Variants in MTMR8 observed in about 807,000 individuals in gnomAD.
The protein encoded by MTMR8 is phosphatidylinositol-3,5-bisphosphate 3-phosphatase MTMR8.
Under a neutral mutation model 39.3 loss-of-function variants are expected in MTMR8, and 65 were observed. The observed-to-expected ratio is 1.65, with a 90% CI of 1.35 to 2.03. MTMR8 has a LOEUF of 2.03. Ranked by LOEUF, MTMR8 falls within the 30% of genes most tolerant of loss-of-function variation. The probability of loss-of-function intolerance (pLI) is 0.00; values close to 1 mark genes in which losing one functional copy is unlikely to be tolerated. For synonymous variants in MTMR8, 245 were observed against 185.2 expected, an observed-to-expected ratio of 1.32 and a Z score of -2.62; for missense variants, 777 against 538.9, an observed-to-expected ratio of 1.44 and a Z score of -4.37.
intron 12 of MTMR8, among the ~76,000 whole-genome samples, chrX:64,280,175 C>T (rs988084678): frequency 1.4e-4 from 16 of 111,779 alleles, no homozygotes; most frequent in Non-Finnish European, 2.4e-4. Context: ...TGAAAAGGAA[C>T]GACTTCTCCT....
chrX:64,334,784 TCTACTCATA>T (rs772640783), intron 10 of MTMR8, among the ~76,000 whole-genome samples: 96 of 111,037 alleles, frequency 8.6e-4, no homozygotes, highest in African/African-American at 2.8e-3. Context: ...CTAAATAACA[TCTACTCATA>T]CTTTAAATCT....
chrX:64,274,699 C>T (rs145731726), intron 12 of MTMR8, among the ~76,000 whole-genome samples: 40 of 112,054 alleles, frequency 3.6e-4, no homozygotes, highest in African/African-American at 1.3e-3. Flanking sequence ...GTGATATATA[C>T]ATACATAATG....
chrX:64,322,161 ATT>A (rs1452838653), intron 12 of MTMR8, among the ~76,000 whole-genome samples: 152 of 107,655 alleles, frequency 1.4e-3, no homozygotes, highest in Non-Finnish European at 2.7e-3. Context: ...CTCCTGCCTC[ATT>A]TTTTGATTTT....
chrX:64,373,629 CCA>C (rs1268779979), intron 1 of MTMR8, among the ~76,000 whole-genome samples: 2 of 111,211 alleles, frequency 1.8e-5, no homozygotes, highest in Non-Finnish European at 3.8e-5. Flanking sequence ...TACTATACTG[CCA>C]CAGACTTATT....
At chrX:64,385,020 C>G (rs1924521826) in intron 1 of MTMR8, among the ~76,000 whole-genome samples, 1 of 112,248 alleles carries the variant, frequency 8.9e-6, no homozygotes, top group Non-Finnish European at 1.9e-5. Context: ...AACCTTAGGA[C>G]ATTTCATTGC....
At chrX:64,360,528 A>G (rs1275801270) in intron 1 of MTMR8, 3 of 142,697 alleles carry the variant, frequency 2.1e-5, no homozygotes, top group Non-Finnish European at 4.1e-5. Context: ...ATTCCCAAAA[A>G]GAGACCATGA....
Position 64,273,831 on chromosome X carries a change from C to T in MTMR8, c.1482-2758G>A, listed in dbSNP as rs148312647. The stretch of plus-strand genomic sequence containing the variant: ...CAATAGTAATATCAGACAAAATGAA[C>T]TGTAAGTCAAAAAATGTCACGGAGA... On this transcript the variant is annotated intron_variant, in intron 12 of 13. Coordinates refer to ENST00000374852, the MANE Select transcript of MTMR8 (RefSeq NM_017677.4). Among the ~76,000 whole-genome samples the T allele has an allele frequency of 1.8e-3, 205 of 111,266 alleles. 2 individuals carry two copies. In the East Asian group the frequency reaches 0.03, roughly 16 times the overall value.
In MTMR8 at chrX:64,328,744, G is replaced by A. The variant is rs373159800; in HGVS notation, c.1481+28C>T. On this transcript the variant is annotated intron_variant, in intron 12 of 13. Transcript: ENST00000374852. Reference sequence around the variant, plus strand: ...GCTGAGACCCTGGGACCTGCTATAAGAAAGGAGGGAAAAACTTAAGAACTT... The same window carrying A: ...GCTGAGACCCTGGGACCTGCTATAAAAAAGGAGGGAAAAACTTAAGAACTT... The A allele has an allele frequency of 5.3e-6, 6 of 1,134,335 alleles. No individual in the cohort carries two copies. The African/African-American group carries it at 1.1e-4, about 21-fold the overall frequency. The allele number at this position is 1,134,335 out of a possible 1,213,427, so 93.5% of individuals were successfully genotyped here.
At chrX:64,296,694 A>C (rs1921603253) in intron 12 of MTMR8, among the ~76,000 whole-genome samples, 1 of 107,337 alleles carries the variant, frequency 9.3e-6, no homozygotes, top group South Asian at 4.3e-4. Flanking sequence ...CTCGTCATCT[A>C]GCATTAGGTA....
chrX:64,337,303 G>C lies in MTMR8; in HGVS notation c.1066C>G (p.Leu356Val), dbSNP rs369242212. The change falls in exon 9 of 14, where the codon CTA (leucine) becomes GTA (valine). Residue 356 changes from leucine to valine, a missense_variant. Leu to Val is a conservative substitution (Grantham distance 32). Transcript: ENST00000374852. ...AQVCSVASIL[L>V]DPFYRTFKGL... Reference sequence around the variant, plus strand: ...TTGAATGTCCTATAAAATGGATCTAGGAGGATGCTAGCCACTGAGCAGACT... The same window carrying C: ...TTGAATGTCCTATAAAATGGATCTACGAGGATGCTAGCCACTGAGCAGACT... The C allele has an allele frequency of 2.9e-5, 35 of 1,208,422 alleles. No homozygotes were observed. The highest frequency in any genetic ancestry group is 3.6e-5 in the Non-Finnish European group (32 of 894,135).
intron 4 of MTMR8, among the ~76,000 whole-genome samples, chrX:64,350,297 A>C (rs1923455962): frequency 9.1e-6 from 1 of 109,806 alleles, no homozygotes; most frequent in South Asian, 4.0e-4. Flanking sequence ...TATGTAGTTT[A>C]TGAAAGAGTA....
At chrX:64,381,439 T>A (rs1356617492) in intron 1 of MTMR8, among the ~76,000 whole-genome samples, 5 of 95,016 alleles carry the variant, frequency 5.3e-5, no homozygotes, top group South Asian at 4.0e-4. Context: ...TACTTTTCGA[T>A]GGGGTTGTTT....
intron 1 of MTMR8, among the ~76,000 whole-genome samples, chrX:64,379,471 C>G (rs1197674950): frequency 8.9e-6 from 1 of 111,765 alleles, no homozygotes; most frequent in Non-Finnish European, 1.9e-5. Flanking sequence ...CCTCACAGTT[C>G]TGAAGTTCAG....
chrX:64,368,347 G>C (rs1924034524), intron 1 of MTMR8, among the ~76,000 whole-genome samples: 1 of 111,489 alleles, frequency 9.0e-6, no homozygotes, highest in African/African-American at 3.3e-5. Flanking sequence ...CACACTACCT[G>C]ACTTCAAACT....
Position 64,292,057 on chromosome X carries a change from C to T in MTMR8, c.1482-20984G>A, listed in dbSNP as rs181032710. The stretch of plus-strand genomic sequence containing the variant: ...AATGGGCTATAGTAGGAGAGTTCCC[C>T]ATGTCCAGACTGGTGATATGTGATG... On this transcript the variant is annotated intron_variant, in intron 12 of 13. Coordinates refer to ENST00000374852, the MANE Select transcript of MTMR8 (RefSeq NM_017677.4). 4.3e-4 allele frequency among the ~76,000 whole-genome samples: 48 copies of T among 111,665 alleles called. 1 individual carries two copies. Among genetic ancestry groups the T allele is most frequent in the African/African-American group, 1.5e-3 (46 of 30,778 alleles).
At chrX:64,283,969 A>T (rs1921055912) in intron 12 of MTMR8, among the ~76,000 whole-genome samples, 1 of 112,599 alleles carries the variant, frequency 8.9e-6, no homozygotes, top group South Asian at 3.6e-4. Flanking sequence ...ACAAAGCTGG[A>T]TGGAGAAGGA....
intron 1 of MTMR8, among the ~76,000 whole-genome samples, chrX:64,376,165 T>G (rs754549658): frequency 3.6e-5 from 4 of 112,113 alleles, no homozygotes; most frequent in Non-Finnish European, 5.6e-5. Flanking sequence ...CTTATAGCAA[T>G]GCAAGAACAG....
At chrX:64,388,149 A>G (rs2085193572) in intron 1 of MTMR8, among the ~76,000 whole-genome samples, 1 of 111,935 alleles carries the variant, frequency 8.9e-6, no homozygotes, top group South Asian at 3.8e-4. Context: ...ATTTGCCACA[A>G]TTATTGGTAA....
chrX:64,333,507 C>T (rs899491947), intron 10 of MTMR8, among the ~76,000 whole-genome samples: 1 of 111,816 alleles, frequency 8.9e-6, no homozygotes, highest in Non-Finnish European at 1.9e-5. Flanking sequence ...CACCGATTTG[C>T]CCAGAAGTCT....
Sources: allele counts gnomAD v4.1 joint callset (sites outside exome capture counted in the v4.1 genomes callset), GRCh38; gene constraint gnomAD v4.1.1; transcripts MANE v1.5; gene names NCBI Gene and HGNC (gene_info 2026-07-23, HGNC 2026-07-21).